The following SMURF1 variants were observed in gnomAD, a reference collection of about 807,000 sequenced individuals.
SMURF1 encodes the protein E3 ubiquitin-protein ligase SMURF1.
SMURF1 carries 44 observed loss-of-function variants against 98.0 expected under a neutral mutation model. That is an observed-to-expected ratio of 0.45 (90% CI 0.35 to 0.58). The LOEUF (loss-of-function observed/expected upper bound fraction) is 0.58. Ranked by LOEUF, SMURF1 falls within the 20% of genes least tolerant of loss-of-function variation. The probability of loss-of-function intolerance (pLI) is 0.00; values close to 1 mark genes in which losing one functional copy is unlikely to be tolerated. For missense variants in SMURF1, 687 were observed against 938.4 expected (o/e 0.73, Z 3.50); for synonymous variants, 396 against 374.9 (o/e 1.06, Z -0.65).
chr7:99,078,361 G>C (rs901807361), intron 1 of SMURF1, among the ~76,000 whole-genome samples: 1 of 151,794 alleles, frequency 6.6e-6, no homozygotes, highest in African/African-American at 2.4e-5. Flanking sequence ...CAGATAATTA[G>C]GTTTGAGACT....
chr7:99,082,302 T>C (rs1331014999), intron 1 of SMURF1, among the ~76,000 whole-genome samples: 1 of 152,238 alleles, frequency 6.6e-6, no homozygotes, highest in East Asian at 1.9e-4. Context: ...TTAATCTGTT[T>C]TCCTTTTGTT....
intron 1 of SMURF1, among the ~76,000 whole-genome samples, chr7:99,087,352 T>C (rs1217470863): frequency 6.6e-6 from 1 of 152,090 alleles, no homozygotes; most frequent in Non-Finnish European, 1.5e-5. Flanking sequence ...ACCACTGCTC[T>C]CCAGCCTGAG....
intron 1 of SMURF1, among the ~76,000 whole-genome samples, 182 bp downstream of exon 1, chr7:99,143,544 G>A (rs2150664893): frequency 8.0e-6 from 1 of 125,092 alleles, no homozygotes; most frequent in South Asian, 2.7e-4. Context: ...AGGGGGCGGG[G>A]CCGGGCAACG....
intron 15 of SMURF1, 158 bp from the exon 16 acceptor site, chr7:99,035,874 CAGG>C (rs1201125725): frequency 4.2e-6 from 3 of 718,912 alleles, no homozygotes; most frequent in African/African-American, 1.8e-5. Context: ...AAGCTACAAA[CAGG>C]AGGCCTGTGG....
chr7:99,116,425 A>C (rs1486257489), intron 1 of SMURF1, among the ~76,000 whole-genome samples: 1 of 152,228 alleles, frequency 6.6e-6, no homozygotes, highest in Non-Finnish European at 1.5e-5. Flanking sequence ...AAGTAAAACT[A>C]TCTCTATTGA....
At chr7:99,049,784 G>A in intron 8 of SMURF1, 75 bp from the exon 9 acceptor site, 1 of 1,432,554 alleles carries the variant, frequency 7.0e-7, no homozygotes, top group South Asian at 1.3e-5. Flanking sequence ...AGCAACAGAA[G>A]CCACAGAGGT....
intron 1 of SMURF1, among the ~76,000 whole-genome samples, chr7:99,073,078 C>A (rs1213127818): frequency 6.6e-6 from 1 of 152,168 alleles, no homozygotes; most frequent in African/African-American, 2.4e-5. Context: ...TTCATCAAGA[C>A]AACTGAGCAT....
chr7:99,046,041 C>G (rs987412416), intron 10 of SMURF1, among the ~76,000 whole-genome samples: 1 of 152,004 alleles, frequency 6.6e-6, no homozygotes, highest in Non-Finnish European at 1.5e-5. Flanking sequence ...TTCAGGGAAA[C>G]ACGTGTCTGT....
intron 1 of SMURF1, among the ~76,000 whole-genome samples, chr7:99,076,848 T>A: frequency 6.6e-6 from 1 of 151,884 alleles, no homozygotes; most frequent in South Asian, 2.1e-4. Context: ...TGTATGTGTG[T>A]GCACGTGCAT....
chr7:99,060,506 C>A, intron 3 of SMURF1, 93 bp downstream of exon 3: 1 of 710,822 alleles, frequency 1.4e-6, no homozygotes, highest in Non-Finnish European at 2.2e-6. Flanking sequence ...AAAAAGTCAT[C>A]CTTTTTTTTT....
chr7:99,143,824 CCCCAG>C lies in SMURF1; in HGVS notation c.-49_-45del. 1 of 1,506,594 alleles carries C rather than the reference CCCCAG, an allele frequency of 6.6e-7. No individual in the cohort carries two copies. Among genetic ancestry groups the C allele is most frequent in the Non-Finnish European group, 8.9e-7 (1 of 1,127,584 alleles). 93.3% of individuals were successfully genotyped at this position (1,506,594 alleles called of 1,614,324 possible). A position where few individuals can be genotyped will look rare whatever the true frequency, so the allele number is the denominator to read the frequency against. ...CAGCCGCGGATCCAGCGCCACCGCC[CCCCAG>C]CCCGGCCCGGCCCGGCCCCGCCGCC... On this transcript the variant is annotated 5_prime_UTR_variant, in exon 1 of 18. Transcript: ENST00000361368.
chr7:99,130,936 A>T (rs1317705286), intron 1 of SMURF1, among the ~76,000 whole-genome samples: 1 of 152,228 alleles, frequency 6.6e-6, no homozygotes, highest in Non-Finnish European at 1.5e-5. Context: ...CAATGAGACA[A>T]GAGGATTCAA....
At chr7:99,132,379 G>A (rs1797889456) in intron 1 of SMURF1, among the ~76,000 whole-genome samples, 2 of 152,076 alleles carry the variant, frequency 1.3e-5, no homozygotes, top group Admixed American at 1.3e-4. Context: ...GTGTTGAAGG[G>A]GATACAGAAG....
intron 10 of SMURF1, among the ~76,000 whole-genome samples, chr7:99,046,799 G>A (rs1449562592): frequency 3.3e-5 from 5 of 149,458 alleles, no homozygotes; most frequent in Admixed American, 6.7e-5. Context: ...AAGAGGAAAC[G>A]AGCTGGTAGT....
chr7:99,126,996 C>T (rs1478506148), intron 1 of SMURF1, among the ~76,000 whole-genome samples: 2 of 152,294 alleles, frequency 1.3e-5, no homozygotes, highest in East Asian at 3.9e-4. Context: ...CCAGCTTCGG[C>T]TTCACGTAAT....
intron 11 of SMURF1, among the ~76,000 whole-genome samples, chr7:99,043,306 C>T (rs1795454119): frequency 6.6e-6 from 1 of 152,222 alleles, no homozygotes; most frequent in Non-Finnish European, 1.5e-5. Flanking sequence ...TCCCACAGAT[C>T]GGATAATGAA....
chr7:99,126,805 C>T (rs1263317320), intron 1 of SMURF1, among the ~76,000 whole-genome samples: 2 of 152,152 alleles, frequency 1.3e-5, no homozygotes, highest in Non-Finnish European at 1.5e-5. Flanking sequence ...TGTTCTTAAG[C>T]ATTTGATCAT....
intron 12 of SMURF1, among the ~76,000 whole-genome samples, chr7:99,040,932 C>T (rs1178068778): frequency 6.6e-6 from 1 of 152,158 alleles, no homozygotes; most frequent in African/African-American, 2.4e-5. Context: ...CCCAGGAAGC[C>T]AGCCCTGTGC....
intron 12 of SMURF1, 27 bp from the exon 13 acceptor site, chr7:99,040,583 T>C (rs756865077): frequency 1.4e-6 from 2 of 1,397,768 alleles, no homozygotes; most frequent in East Asian, 2.8e-5. Context: ...AGAACACGAA[T>C]TTGTCAGCAT....
Sources: gnomAD v4.1 joint callset for allele counts (sites outside exome capture counted in the v4.1 genomes callset) on GRCh38, gnomAD v4.1.1 for gene constraint, MANE v1.5 for transcripts, NCBI Gene and HGNC (gene_info 2026-07-23, HGNC 2026-07-21) for gene names.